Variants in SNX19 observed in about 807,000 individuals in gnomAD.
SNX19 encodes sorting nexin 19, also known as sorting nexin-19.
In SNX19, 60 loss-of-function variants were observed where a neutral mutation model predicts 85.2. That is an observed-to-expected ratio of 0.70 (90% CI 0.57 to 0.87). SNX19 has a LOEUF of 0.87. SNX19 is among the 40% of genes least tolerant of loss of function. The probability of loss-of-function intolerance (pLI) is 0.00; values close to 1 mark genes in which losing one functional copy is unlikely to be tolerated. For missense variants in SNX19, 1,201 were observed against 1,217.8 expected, an observed-to-expected ratio of 0.99 and a Z score of 0.21; for synonymous variants, 520 against 470.0, an observed-to-expected ratio of 1.11 and a Z score of -1.38.
intron 8 of SNX19, among the ~76,000 whole-genome samples, chr11:130,888,214 CTAAGT>C (rs897174384): frequency 6.6e-6 from 1 of 151,618 alleles, no homozygotes; most frequent in African/African-American, 2.4e-5. Flanking sequence ...GATTATCATT[CTAAGT>C]TTTCTAAATG....
At chr11:130,887,771 T>C (rs1944192535) in intron 8 of SNX19, among the ~76,000 whole-genome samples, 1 of 152,174 alleles carries the variant, frequency 6.6e-6, no homozygotes, top group Non-Finnish European at 1.5e-5. Flanking sequence ...CTCTTCTACA[T>C]CCCATACATC....
Position 130,879,730 on chromosome 11 carries a change from A to G in SNX19, c.2759-19T>C. On this transcript the variant is annotated intron_variant, in intron 9 of 10. Transcript: ENST00000265909. The stretch of plus-strand genomic sequence containing the variant: ...ACGAGATCTGAGGAGGAAAAAACAG[A>G]TGGAATTTGCGTGTTATCACTGAAG... 6.2e-7 allele frequency: 1 copy of G among 1,609,840 alleles called. No individual in the cohort carries two copies. Among genetic ancestry groups the G allele is most frequent in the Non-Finnish European group, 8.5e-7 (1 of 1,176,296 alleles).
intron 8 of SNX19, among the ~76,000 whole-genome samples, chr11:130,888,328 T>A (rs574765986): frequency 1.3e-5 from 2 of 152,286 alleles, no homozygotes; most frequent in East Asian, 3.9e-4. Context: ...CAGGATAAGA[T>A]GAAGAGCAGT....
In SNX19 at chr11:130,910,333, T is replaced by C. The variant is rs756444075; in HGVS notation, c.1851A>G (p.Pro617=). The change falls in exon 3 of 11, where the codon CCA becomes CCG. Residue 617 remains proline, a synonymous_variant. Transcript: ENST00000265909. ...CTCTGTCACTGTCCATGTTTCCCAATGGAAGATCTGGAAAGAGCTTTTTAG... is the reference window on the plus strand; with the variant it reads ...CTCTGTCACTGTCCATGTTTCCCAACGGAAGATCTGGAAAGAGCTTTTTAG... ...KGPKKLFPDL[P]LGNMDSDRVE... 5.6e-6 allele frequency: 9 copies of C among 1,608,746 alleles called. No homozygotes were observed. Among genetic ancestry groups the C allele is most frequent in the South Asian group, 3.3e-5 (3 of 90,710 alleles).
Position 130,914,783 on chromosome 11 carries a change from A to T in SNX19, c.1157T>A (p.Met386Lys). The change falls in exon 1 of 11, where the codon ATG (methionine) becomes AAG (lysine). Residue 386 changes from methionine (M) to lysine (K), a missense_variant. This residue lies in a region of SNX19 where 791 missense variants were observed against 750.9 expected (regional missense o/e 1.05). Coordinates refer to ENST00000265909, the MANE Select transcript of SNX19 (RefSeq NM_014758.3). The stretch of plus-strand genomic sequence containing the variant: ...GAGAAAGCTGCCTGGAGTCATGAGC[A>T]TGATGGTTTCTTTGCCCAGTTCAGA... The part of the protein sequence containing the change: ...PLSELGKETI[M>K]LMTPGSFLSD... The T allele has an allele frequency of 6.2e-7, 1 of 1,614,242 alleles. No homozygotes were observed. The highest frequency in any genetic ancestry group is 8.5e-7 in the Non-Finnish European group (1 of 1,180,042).
rs182248049 is a variant in SNX19 at position 130,914,597 on chromosome 11, T to C, written c.1343A>G (p.His448Arg). ...VSTLNSCPEI[H>R]IDTADKEIEQ... The stretch of plus-strand genomic sequence containing the variant: ...TATCTCCTTGTCTGCTGTGTCAATA[T>C]GGATCTCTGGGCAGGAATTCAGTGT... Residue 448 changes from histidine (H) to arginine (R), a missense_variant, in exon 1 of 11, where the codon CAT (histidine) becomes CGT (arginine). Coordinates refer to ENST00000265909, the MANE Select transcript of SNX19 (RefSeq NM_014758.3). The C allele has an allele frequency of 1.2e-6, 2 of 1,613,974 alleles. No homozygotes were observed. The highest frequency in any genetic ancestry group is 1.1e-5 in the South Asian group (1 of 91,078).
chr11:130,894,789 A>G (rs1944756118), intron 8 of SNX19: 1 of 985,352 alleles, frequency 1.0e-6, no homozygotes, highest in Admixed American at 6.1e-5. Flanking sequence ...CTTAGTGTCT[A>G]GAATATTATT....
Position 130,869,353 on chromosome 11 carries a change from T to A in SNX19, c.*9069A>T, listed in dbSNP as rs1176537129. On this transcript the variant is annotated 3_prime_UTR_variant, in exon 11 of 11. Transcript: ENST00000265909. ...AAGTAAAAAGGCACATGGAACTATA[T>A]GAACAGATGCCATTAACAGGTTTTT... is the stretch of plus-strand genomic sequence containing the variant. The A allele has an allele frequency of 2.6e-5, 4 of 152,248 alleles. No homozygotes were observed. Among genetic ancestry groups the A allele is most frequent in the African/African-American group, 7.2e-5 (3 of 41,460 alleles). The allele number at this position is 152,248 out of a possible 1,614,324, so 9.4% of individuals were successfully genotyped here.
At position 130,906,049 on chromosome 11, in the gene SNX19, G is replaced by C. The variant is rs1945643597; in HGVS notation, c.2347C>G (p.Pro783Ala). 8 of 1,613,992 alleles carry C rather than the reference G, an allele frequency of 5.0e-6. No homozygotes were observed. Among genetic ancestry groups the C allele is most frequent in the Non-Finnish European group, 6.8e-6 (8 of 1,180,032 alleles). The change falls in exon 7 of 11, where the codon CCA becomes GCA. Residue 783 changes from proline (P) to alanine (A), a missense_variant. Physicochemically the swap from Pro to Ala is conservative, Grantham distance 27. Transcript: ENST00000265909. ...KLLEMQPTKA[P>A]EKDPEQPPKG... ...GGAGGTTGTTCAGGATCTTTTTCTG[G>C]GGCTTTTGTTGGCTGCATTTCCAGT...
Position 130,916,435 on chromosome 11 carries a change from G to T in SNX19, c.-496C>A, listed in dbSNP as rs1350602306. On this transcript the variant is annotated 5_prime_UTR_variant, in exon 1 of 11. Coordinates refer to ENST00000265909, the MANE Select transcript of SNX19 (RefSeq NM_014758.3). ...ACCTGGGCGACTGCGCTCCGCAGCC[G>T]GGCCTGTGTGAAGGCTGACCGCCGG... The T allele has an allele frequency of 6.5e-6, 1 of 153,526 alleles. No individual in the cohort carries two copies. The highest frequency in any genetic ancestry group is 1.5e-5 in the Non-Finnish European group (1 of 68,948). 9.5% of individuals were successfully genotyped at this position (153,526 alleles called of 1,614,324 possible).
At chr11:130,903,046 A>C in intron 8 of SNX19, 1 of 555,874 alleles carries the variant, frequency 1.8e-6, no homozygotes. Context: ...TTATGCCAGA[A>C]GTCTTACAGT....
At chr11:130,905,385 T>A (rs1231313583) in intron 7 of SNX19, among the ~76,000 whole-genome samples, 2 of 152,230 alleles carry the variant, frequency 1.3e-5, no homozygotes, top group Non-Finnish European at 2.9e-5. Context: ...ACACGTTACA[T>A]TTCAGTTGCC....
intron 2 of SNX19, 191 bp downstream of exon 2, chr11:130,911,442 A>T (rs1216959600): frequency 7.1e-7 from 1 of 1,400,640 alleles, no homozygotes; most frequent in Admixed American, 3.0e-5. Context: ...GTTGGCAGTA[A>T]AGGACTACCT....
chr11:130,880,898 C>T (rs1345118286), intron 8 of SNX19, 92 bp from the exon 9 acceptor site: 22 of 1,130,328 alleles, frequency 1.9e-5, no homozygotes, highest in Admixed American at 6.9e-5. Flanking sequence ...CCTGCAGATT[C>T]GTGTGTCAAA....
chr11:130,914,151 A>G, intron 1 of SNX19, 115 bp downstream of exon 1: 2 of 830,968 alleles, frequency 2.4e-6, no homozygotes, highest in Non-Finnish European at 1.9e-6. Flanking sequence ...ATAGATGCCT[A>G]TTGAAAGAAC....
chr11:130,903,104 A>G, intron 8 of SNX19, 151 bp downstream of exon 8: 1 of 1,074,236 alleles, frequency 9.3e-7, no homozygotes, highest in Non-Finnish European at 1.3e-6. Flanking sequence ...AAGCTTTCTG[A>G]TACTCTCAAG....
Position 130,914,817 on chromosome 11 carries a change from A to T in SNX19, c.1123T>A (p.Ser375Thr). 1 of 1,614,052 alleles carries T rather than the reference A, an allele frequency of 6.2e-7. No individual in the cohort carries two copies. Among genetic ancestry groups the T allele is most frequent in the Non-Finnish European group, 8.5e-7 (1 of 1,180,004 alleles). The change falls in exon 1 of 11, where the codon TCT becomes ACT. Residue 375 changes from serine to threonine, a missense_variant. Ser to Thr is a moderately conservative substitution (Grantham distance 58). Transcript: ENST00000265909. ...LFLCEDSELE[S>T]PLSELGKETI... ...TCTTTGCCCAGTTCAGACAGCGGAG[A>T]CTCCAGCTCTGAGTCTTCACATAAG...
rs780433195 is a variant in SNX19 at position 130,914,669 on chromosome 11, G to A, written c.1271C>T (p.Ala424Val). The A allele has an allele frequency of 2.5e-6, 4 of 1,613,910 alleles. No homozygotes were observed. The Admixed American group carries it at 6.7e-5, about 27-fold the overall frequency. The change falls in exon 1 of 11, where the codon GCT (alanine) becomes GTT (valine). Residue 424 changes from alanine to valine, a missense_variant. Around this residue, in one of 3 missense-constraint regions of SNX19, gnomAD observed 791 missense variants for 750.9 expected, o/e 1.05. Transcript: ENST00000265909. ...TGTTTCTGTCCCTGGACCCTCCTCA[G>A]CCTCTGCTCCTTCAGATGCCTCACC... ...KDGEASEGAE[A>V]EEGPGTETET...
At chr11:130,902,154 T>C (rs1351725528) in intron 8 of SNX19, among the ~76,000 whole-genome samples, 1 of 152,260 alleles carries the variant, frequency 6.6e-6, no homozygotes, top group Non-Finnish European at 1.5e-5. Context: ...GCATGTTAGT[T>C]GACTTTGCCA....
Sources: gnomAD v4.1 joint callset for allele counts (sites outside exome capture counted in the v4.1 genomes callset) on GRCh38, gnomAD v4.1.1 for gene constraint, gnomAD v4.1.1 regional missense constraint, MANE v1.5 for transcripts, NCBI Gene and HGNC (gene_info 2026-07-23, HGNC 2026-07-21) for gene names.